SORBS2: variants seen among roughly 807,000 people sequenced by gnomAD.
The protein encoded by SORBS2 is sorbin and SH3 domain-containing protein 2.
Under a neutral mutation model 97.7 loss-of-function variants are expected in SORBS2, and 46 were observed. The ratio of observed to expected loss-of-function variants is 0.47; its 90% CI spans 0.37 to 0.60. The LOEUF (loss-of-function observed/expected upper bound fraction) is 0.60. Ranked by LOEUF, SORBS2 falls within the 20% of genes least tolerant of loss-of-function variation. The pLI is 0.00. For synonymous variants in SORBS2, 476 were observed against 473.4 expected (o/e 1.01, Z -0.07); for missense variants, 1,316 against 1,282.3 (o/e 1.03, Z -0.40).
At chr4:185,862,185 T>G (rs568290379) in intron 1 of SORBS2, among the ~76,000 whole-genome samples, 1 of 152,158 alleles carries the variant, frequency 6.6e-6, no homozygotes, top group African/African-American at 2.4e-5. Context: ...GAAGCATTAC[T>G]AAGAGCAACA....
At chr4:185,718,441 G>C (rs1003996651) in intron 2 of SORBS2, among the ~76,000 whole-genome samples, 5 of 152,132 alleles carry the variant, frequency 3.3e-5, no homozygotes, top group Non-Finnish European at 5.9e-5. Flanking sequence ...CTTGAGAAAA[G>C]ACAAGTTTGT....
At chr4:185,872,270 A>G (rs114128478) in intron 1 of SORBS2, among the ~76,000 whole-genome samples, 1,602 of 152,298 alleles carry the variant, frequency 0.011, 32 homozygotes, top group African/African-American at 0.036. Context: ...AATGCAGTTA[A>G]TTTGGGCAAC....
chr4:185,687,612 A>G (rs1396015411), intron 2 of SORBS2, among the ~76,000 whole-genome samples: 1 of 152,224 alleles, frequency 6.6e-6, no homozygotes, highest in Non-Finnish European at 1.5e-5. Context: ...TTGACCTAGG[A>G]GCACAGTGAA....
intron 2 of SORBS2, among the ~76,000 whole-genome samples, chr4:185,768,162 T>C (rs1560900776): frequency 6.6e-6 from 1 of 152,180 alleles, no homozygotes; most frequent in African/African-American, 2.4e-5. Flanking sequence ...CAGGTGTATG[T>C]GCCCAGCTCT....
intron 4 of SORBS2, among the ~76,000 whole-genome samples, chr4:185,634,273 C>A (rs139981136): frequency 6.0e-4 from 91 of 152,260 alleles, no homozygotes; most frequent in African/African-American, 2.0e-3. Context: ...CAGTGGTCAC[C>A]ACTATGTGTC....
Position 185,861,919 on chromosome 4 carries a change from C to T in SORBS2, c.-337-86553G>A, listed in dbSNP as rs564252518. Among the ~76,000 whole-genome samples the T allele has an allele frequency of 2.0e-5, 3 of 152,262 alleles. No individual in the cohort carries two copies. In the South Asian group the frequency reaches 6.2e-4, roughly 32 times the overall value. On this transcript the variant is annotated intron_variant, in intron 1 of 20. Transcript: ENST00000284776. The stretch of plus-strand genomic sequence containing the variant: ...GCCCTGACTTCTATTTTATAGACAA[C>T]ACTTTGCCTGCTGTGTGGATACTTG...
At chr4:185,944,203 A>G (rs543444117) in intron 1 of SORBS2, among the ~76,000 whole-genome samples, 2 of 152,304 alleles carry the variant, frequency 1.3e-5, no homozygotes, top group South Asian at 4.1e-4. Flanking sequence ...CTTTTTCTTA[A>G]ATCTTCTGCA....
chr4:185,712,190 C>T (rs1282299847), intron 2 of SORBS2, among the ~76,000 whole-genome samples: 4 of 152,120 alleles, frequency 2.6e-5, no homozygotes, highest in Non-Finnish European at 4.4e-5. Context: ...CATGCCCCAC[C>T]CCATCCTGTG....
chr4:185,596,347 T>C (rs1328075028), intron 12 of SORBS2, among the ~76,000 whole-genome samples: 1 of 152,086 alleles, frequency 6.6e-6, no homozygotes, highest in Non-Finnish European at 1.5e-5. Flanking sequence ...TTTTTAGTTA[T>C]CATCATTATA....
intron 4 of SORBS2, among the ~76,000 whole-genome samples, chr4:185,644,945 A>T (rs62336067): frequency 0.18 from 27,876 of 152,150 alleles, 2,728 homozygotes; most frequent in Admixed American, 0.22. Context: ...TACTTTGCAC[A>T]AACTCAGATC....
At chr4:185,937,592 G>A (rs1189296291) in intron 1 of SORBS2, among the ~76,000 whole-genome samples, 1 of 152,084 alleles carries the variant, frequency 6.6e-6, no homozygotes, top group African/African-American at 2.4e-5. Context: ...GCCCCAAAGT[G>A]ATGAAAGATG....
Position 185,768,788 on chromosome 4 carries a change from A to C in SORBS2, c.-198+6439T>G, listed in dbSNP as rs2098952635. ...CAAAGTAAGGGAAAGGGGAGTATGC[A>C]AGGGCGACATGTGGCCTGTTCTTCT... On this transcript the variant is annotated intron_variant, in intron 2 of 20. Transcript: ENST00000284776. Among the ~76,000 whole-genome samples, 3 of 152,260 alleles carry C rather than the reference A, an allele frequency of 2.0e-5. No individual in the cohort carries two copies. The South Asian group carries it at 6.2e-4, about 32-fold the overall frequency.
chr4:185,736,772 T>C (rs1200569666), intron 2 of SORBS2, among the ~76,000 whole-genome samples: 1 of 152,150 alleles, frequency 6.6e-6, no homozygotes, highest in Admixed American at 6.5e-5. Context: ...CCACAACCAC[T>C]GCAGAGGGGA....
intron 2 of SORBS2, chr4:185,771,475 C>T (rs7655720): frequency 0.18 from 27,961 of 152,212 alleles, 2,760 homozygotes; most frequent in Middle Eastern, 0.27. Context: ...TATCAAATCA[C>T]ATATGCTGAT....
chr4:185,955,727 G>T (rs2099279214), intron 1 of SORBS2, among the ~76,000 whole-genome samples: 1 of 152,130 alleles, frequency 6.6e-6, no homozygotes, highest in Non-Finnish European at 1.5e-5. Flanking sequence ...TATAAAACTT[G>T]TGTCCTAAGG....
intron 1 of SORBS2, among the ~76,000 whole-genome samples, chr4:185,860,029 G>A (rs1196141606): frequency 6.6e-6 from 1 of 152,152 alleles, no homozygotes; most frequent in Non-Finnish European, 1.5e-5. Context: ...AACATTGGAG[G>A]TTGCTTAAAG....
At chr4:185,612,815 C>T (rs2096562650) in intron 11 of SORBS2, among the ~76,000 whole-genome samples, 1 of 151,766 alleles carries the variant, frequency 6.6e-6, no homozygotes, top group African/African-American at 2.4e-5. Flanking sequence ...TCTACATGCG[C>T]TAAGTAGTGA....
chr4:185,822,875 G>A (rs1489765239), intron 1 of SORBS2, among the ~76,000 whole-genome samples: 2 of 152,060 alleles, frequency 1.3e-5, no homozygotes, highest in East Asian at 1.9e-4. Flanking sequence ...TTCCAATTAT[G>A]GCATTAAAGA....
chr4:185,593,964 A>C, intron 12 of SORBS2, 29 bp from the exon 25 acceptor site: 2 of 1,519,062 alleles, frequency 1.3e-6, no homozygotes, highest in South Asian at 1.1e-5. Flanking sequence ...CAATGTAATC[A>C]ATGTTTAAAC....
Sources: gnomAD v4.1 joint callset for allele counts (sites outside exome capture counted in the v4.1 genomes callset) on GRCh38, gnomAD v4.1.1 for gene constraint, MANE v1.5 for transcripts, NCBI Gene and HGNC (gene_info 2026-07-23, HGNC 2026-07-21) for gene names.